Variants in PIP4K2A observed in about 807,000 individuals in gnomAD.
PIP4K2A encodes the protein phosphatidylinositol 5-phosphate 4-kinase type-2 alpha.
In PIP4K2A, 14 loss-of-function variants were observed where a neutral mutation model predicts 42.9. That is an observed-to-expected ratio of 0.33 (90% CI 0.22 to 0.51). PIP4K2A has a LOEUF of 0.51. Among genes scored for constraint, PIP4K2A ranks in the 20% least tolerant of loss-of-function variants. The pLI, the probability that PIP4K2A is intolerant of heterozygous loss-of-function variation, is 0.97. For missense variants in PIP4K2A, 434 were observed against 519.8 expected (o/e 0.83, Z 1.61); for synonymous variants, 192 against 192.2 (o/e 1.00, Z 0.01).
chr10:22,581,427 C>T (rs780762879), intron 4 of PIP4K2A, among the ~76,000 whole-genome samples: 4 of 152,042 alleles, frequency 2.6e-5, no homozygotes, highest in Non-Finnish European at 5.9e-5. Flanking sequence ...GGTCAGCTTT[C>T]CTATTCTCAG....
intron 1 of PIP4K2A, among the ~76,000 whole-genome samples, chr10:22,655,685 C>A (rs1839086326): frequency 6.6e-6 from 1 of 152,174 alleles, no homozygotes; most frequent in Non-Finnish European, 1.5e-5. Context: ...TGAGTAGGTG[C>A]TCAACAACTA....
intron 5 of PIP4K2A, among the ~76,000 whole-genome samples, chr10:22,570,331 A>G (rs149797102): frequency 1.1e-4 from 17 of 152,370 alleles, no homozygotes; most frequent in South Asian, 2.1e-4. Flanking sequence ...ACAAGTCATA[A>G]AAGAACAACA....
intron 4 of PIP4K2A, among the ~76,000 whole-genome samples, chr10:22,590,304 T>C (rs185121687): frequency 6.6e-6 from 1 of 152,344 alleles, no homozygotes; most frequent in Admixed American, 6.5e-5. Flanking sequence ...TAAACACCAG[T>C]TGTGAAGATG....
intron 1 of PIP4K2A, among the ~76,000 whole-genome samples, chr10:22,637,228 G>A (rs964202148): frequency 2.6e-5 from 4 of 152,056 alleles, no homozygotes; most frequent in African/African-American, 9.7e-5. Flanking sequence ...GGTCTCTCTG[G>A]AACTAAGCAC....
chr10:22,713,621 A>C (rs893679857), intron 1 of PIP4K2A, among the ~76,000 whole-genome samples: 3 of 152,220 alleles, frequency 2.0e-5, no homozygotes, highest in African/African-American at 7.2e-5. Flanking sequence ...TAAAGGAAAA[A>C]GAAAGGACCT....
At chr10:22,635,742 T>C (rs1219242102) in intron 1 of PIP4K2A, among the ~76,000 whole-genome samples, 2 of 152,062 alleles carry the variant, frequency 1.3e-5, no homozygotes, top group African/African-American at 2.4e-5. Flanking sequence ...GCTCAGTGTG[T>C]GGAATATAAT....
intron 5 of PIP4K2A, among the ~76,000 whole-genome samples, chr10:22,569,838 A>G (rs1445367973): frequency 6.6e-6 from 1 of 152,204 alleles, no homozygotes; most frequent in South Asian, 2.1e-4. Context: ...TATTAAAAAA[A>G]ATAGAAAAGG....
chr10:22,680,956 C>G (rs1163525389), intron 1 of PIP4K2A, among the ~76,000 whole-genome samples: 2 of 152,170 alleles, frequency 1.3e-5, no homozygotes, highest in Non-Finnish European at 2.9e-5. Flanking sequence ...CTCACCTATT[C>G]AGGCGAGAAA....
chr10:22,672,163 A>C (rs954939096), intron 1 of PIP4K2A, among the ~76,000 whole-genome samples: 3 of 152,156 alleles, frequency 2.0e-5, no homozygotes, highest in African/African-American at 7.2e-5. Flanking sequence ...TTAAATGAAA[A>C]AAAGGAGGCC....
intron 1 of PIP4K2A, among the ~76,000 whole-genome samples, chr10:22,703,771 C>T (rs1239409863): frequency 6.6e-6 from 1 of 152,196 alleles, no homozygotes; most frequent in Non-Finnish European, 1.5e-5. Flanking sequence ...GGAGACCAAA[C>T]AGGAGGCTAC....
At chr10:22,656,960 T>TA (rs1176355682) in intron 1 of PIP4K2A, among the ~76,000 whole-genome samples, 2 of 152,324 alleles carry the variant, frequency 1.3e-5, no homozygotes, top group African/African-American at 4.8e-5. Context: ...ACTTTCAAAA[T>TA]AGAGTCCTAA....
chr10:22,653,049 GTGC>G (rs1258324157), intron 1 of PIP4K2A, among the ~76,000 whole-genome samples: 1 of 152,036 alleles, frequency 6.6e-6, no homozygotes, highest in African/African-American at 2.4e-5. Context: ...AGCTATGATG[GTGC>G]TGCTGCACTC....
intron 6 of PIP4K2A, among the ~76,000 whole-genome samples, chr10:22,563,924 C>A (rs561093132): frequency 2.6e-5 from 4 of 152,042 alleles, no homozygotes; most frequent in African/African-American, 9.7e-5. Context: ...AAGCCTACCC[C>A]CTAGGGAGAT....
In PIP4K2A at chr10:22,626,851, C is replaced by A. The variant is rs147694165; in HGVS notation, c.145-17134G>T. ...AAAAATAACAAGTACTTTCTTTTAG[C>A]CTAGTAAAAAACAACTGTCACAGTT... On this transcript the variant is annotated intron_variant, in intron 1 of 9. Transcript: ENST00000376573. Among the ~76,000 whole-genome samples, 795 of 152,218 alleles carry A rather than the reference C, an allele frequency of 5.2e-3. 10 individuals are homozygous for A. Among genetic ancestry groups the A allele is most frequent in the African/African-American group, 0.018 (751 of 41,526 alleles).
At chr10:22,690,593 C>CGAAGA (rs1355447576) in intron 1 of PIP4K2A, among the ~76,000 whole-genome samples, 1 of 152,116 alleles carries the variant, frequency 6.6e-6, no homozygotes, top group Non-Finnish European at 1.5e-5. Context: ...CTCTTTTCTT[C>CGAAGA]AAAGAGCACA....
intron 6 of PIP4K2A, among the ~76,000 whole-genome samples, chr10:22,566,018 G>A (rs10159730): frequency 0.59 from 89,349 of 151,962 alleles, 26,733 homozygotes; most frequent in South Asian, 0.78. Context: ...AGTGGTGCCC[G>A]AAACTTCATT....
At position 22,536,438 on chromosome 10, in the gene PIP4K2A, G is replaced by A. The variant is rs1212360242; in HGVS notation, c.*763C>T. ...TGAAAAATGTATAGAGAATCACTGG[G>A]GCATCAGCTGCTTGTTGCGGGAGGG... On this transcript the variant is annotated 3_prime_UTR_variant, in exon 10 of 10. Coordinates refer to ENST00000376573, the MANE Select transcript of PIP4K2A (RefSeq NM_005028.5). 1.7e-5 allele frequency: 4 copies of A among 232,940 alleles called. No individual in the cohort carries two copies. Among genetic ancestry groups the A allele is most frequent in the Non-Finnish European group, 3.3e-5 (4 of 121,310 alleles). 14.4% of individuals were successfully genotyped at this position (232,940 alleles called of 1,614,324 possible).
At chr10:22,563,616 G>T (rs947473530) in intron 6 of PIP4K2A, among the ~76,000 whole-genome samples, 1 of 152,118 alleles carries the variant, frequency 6.6e-6, no homozygotes, top group Non-Finnish European at 1.5e-5. Context: ...GCCCTTAAAG[G>T]AAAGGAGAGA....
In PIP4K2A at chr10:22,714,390, C is replaced by T. The variant is rs1271563099; in HGVS notation, c.-64G>A. On this transcript the variant is annotated 5_prime_UTR_variant, in exon 1 of 10. Coordinates refer to ENST00000376573, the MANE Select transcript of PIP4K2A (RefSeq NM_005028.5). ...GGCCGGGGACCCGCCCTCTCTACAC[C>T]CCGGCCCGGGGAGGCAGCCGCATCC... 1.6e-6 allele frequency: 2 copies of T among 1,217,946 alleles called. No homozygotes were observed. Among genetic ancestry groups the T allele is most frequent in the East Asian group, 3.4e-5 (1 of 29,012 alleles). 75.4% of individuals were successfully genotyped at this position (1,217,946 alleles called of 1,614,324 possible).
Sources: gnomAD v4.1 joint callset for allele counts (sites outside exome capture counted in the v4.1 genomes callset) on GRCh38, gnomAD v4.1.1 for gene constraint, MANE v1.5 for transcripts, NCBI Gene and HGNC (gene_info 2026-07-23, HGNC 2026-07-21) for gene names.